The following RALYL variants were observed in gnomAD, a reference collection of about 807,000 sequenced individuals.
RALYL encodes the protein RALY RNA binding protein like, also known as RNA-binding Raly-like protein.
A neutral mutation model predicts 35.1 loss-of-function variants in RALYL; 29 were observed. The ratio of observed to expected loss-of-function variants is 0.83; its 90% CI spans 0.61 to 1.13. The LOEUF (loss-of-function observed/expected upper bound fraction) is 1.13, where lower values mean the gene tolerates loss of function less well. RALYL is among the 50% of genes most tolerant of loss of function. RALYL has a pLI of 0.00. For missense variants in RALYL, 359 were observed against 360.4 expected, an observed-to-expected ratio of 1.00 and a Z score of 0.03; for synonymous variants, 120 against 127.6, an observed-to-expected ratio of 0.94 and a Z score of 0.40.
At chr8:84,202,351 A>G (rs1013930771) in intron 1 of RALYL, among the ~76,000 whole-genome samples, 14 of 149,590 alleles carry the variant, frequency 9.4e-5, no homozygotes, top group African/African-American at 3.4e-4. Flanking sequence ...TAAGTATTAT[A>G]TGATCTATTG....
rs141580027 is a variant in RALYL at position 84,279,153 on chromosome 8, T to G, written c.-24+94729T>G. ...AGAGCATGTGCAGGGGAACTCCATT[T>G]ATAAAACCGTCAGATGTCATGAGAA... On this transcript the variant is annotated intron_variant, in intron 1 of 8. Transcript: ENST00000521268. Among the ~76,000 whole-genome samples, 3 of 152,300 alleles carry G rather than the reference T, an allele frequency of 2.0e-5. No homozygotes were observed. The East Asian group carries it at 5.8e-4, about 29-fold the overall frequency.
chr8:84,704,377 A>G (rs975603355), intron 2 of RALYL, among the ~76,000 whole-genome samples: 1 of 151,922 alleles, frequency 6.6e-6, no homozygotes, highest in Non-Finnish European at 1.5e-5. Flanking sequence ...GTGAGCCTAG[A>G]TCGCACAACT....
intron 8 of RALYL, among the ~76,000 whole-genome samples, chr8:84,890,919 TG>T (rs1285391000): frequency 6.6e-6 from 1 of 151,768 alleles, no homozygotes; most frequent in Non-Finnish European, 1.5e-5. Context: ...AACACGGTTG[TG>T]GGGGGCAGTT....
At chr8:84,310,488 A>C (rs1842562641) in intron 1 of RALYL, among the ~76,000 whole-genome samples, 1 of 152,150 alleles carries the variant, frequency 6.6e-6, no homozygotes, top group Non-Finnish European at 1.5e-5. Context: ...AACGGCAATA[A>C]ATCCGAAAAG....
intron 2 of RALYL, among the ~76,000 whole-genome samples, chr8:84,712,461 CTG>C (rs773357525): frequency 5.9e-5 from 9 of 152,136 alleles, no homozygotes; most frequent in Non-Finnish European, 1.3e-4. Flanking sequence ...CTTTCTCTCT[CTG>C]TGTCTCTCTC....
chr8:84,390,142 A>G (rs916766981), intron 1 of RALYL, among the ~76,000 whole-genome samples: 7 of 152,100 alleles, frequency 4.6e-5, no homozygotes, highest in Non-Finnish European at 7.4e-5. Context: ...GCTGGATTAC[A>G]TTTATTGATT....
chr8:84,317,771 G>C (rs901132461), intron 1 of RALYL, among the ~76,000 whole-genome samples: 1 of 152,094 alleles, frequency 6.6e-6, no homozygotes, highest in East Asian at 1.9e-4. Flanking sequence ...GAAGTGTCAT[G>C]ATCAATCTGT....
chr8:84,238,014 A>G (rs969131352), intron 1 of RALYL, among the ~76,000 whole-genome samples: 3 of 87,772 alleles, frequency 3.4e-5, no homozygotes, highest in African/African-American at 9.6e-5. Flanking sequence ...AAAACAAAAG[A>G]AAAAAAACAC....
intron 2 of RALYL, among the ~76,000 whole-genome samples, chr8:84,615,878 G>A (rs1819479813): frequency 1.1e-5 from 1 of 87,096 alleles, no homozygotes; most frequent in Non-Finnish European, 2.2e-5. Flanking sequence ...AGTTTACTGA[G>A]AATGATGATT....
intron 2 of RALYL, among the ~76,000 whole-genome samples, chr8:84,671,109 A>G (rs1422578995): frequency 6.6e-6 from 1 of 152,180 alleles, no homozygotes; most frequent in Non-Finnish European, 1.5e-5. Context: ...TATAGGCCCT[A>G]TGCAAGTCCA....
intron 2 of RALYL, among the ~76,000 whole-genome samples, chr8:84,620,591 G>C (rs937587307): frequency 6.6e-6 from 1 of 152,166 alleles, no homozygotes; most frequent in African/African-American, 2.4e-5. Context: ...TCTTCTCTCA[G>C]CTCGTCAAAG....
At chr8:84,688,136 C>T (rs917372909) in intron 2 of RALYL, among the ~76,000 whole-genome samples, 9 of 151,076 alleles carry the variant, frequency 6.0e-5, no homozygotes, top group African/African-American at 1.9e-4. Context: ...TTTTCTTTAG[C>T]TTAGGAACGC....
intron 2 of RALYL, among the ~76,000 whole-genome samples, chr8:84,570,797 C>T (rs1024708340): frequency 2.6e-5 from 4 of 151,526 alleles, no homozygotes; most frequent in Non-Finnish European, 4.4e-5. Flanking sequence ...TATCATGAAG[C>T]GATGTTAGAT....
At position 84,548,827 on chromosome 8, in the gene RALYL, A is replaced by T. The variant is rs115241253; in HGVS notation, c.256+19250A>T. On this transcript the variant is annotated intron_variant, in intron 2 of 8. Transcript: ENST00000521268. ...TTGGACCTAATTTGCTTTCTGTTCA[A>T]CTTGGAATTTATTCTATGCAATTTC... 2.9e-3 allele frequency among the ~76,000 whole-genome samples: 444 copies of T among 151,976 alleles called. 5 individuals carry two copies. The highest frequency in any genetic ancestry group is 9.7e-3 in the African/African-American group (402 of 41,446).
chr8:84,316,262 G>A (rs148816764), intron 1 of RALYL, among the ~76,000 whole-genome samples: 3 of 152,096 alleles, frequency 2.0e-5, no homozygotes, highest in African/African-American at 7.2e-5. Context: ...ATTTCCAGAC[G>A]TTCTGGATGA....
chr8:84,352,478 G>A (rs1182450742), intron 1 of RALYL, among the ~76,000 whole-genome samples: 1 of 150,322 alleles, frequency 6.7e-6, no homozygotes, highest in East Asian at 1.9e-4. Flanking sequence ...TAATATTCCT[G>A]AGAGTGTATA....
At chr8:84,216,165 G>A (rs1228159602) in intron 1 of RALYL, among the ~76,000 whole-genome samples, 1 of 151,964 alleles carries the variant, frequency 6.6e-6, no homozygotes, top group Non-Finnish European at 1.5e-5. Flanking sequence ...ATTTTGCAGG[G>A]ATTTCAGATC....
chr8:84,265,986 T>G (rs1833222322), intron 1 of RALYL, among the ~76,000 whole-genome samples: 1 of 152,206 alleles, frequency 6.6e-6, no homozygotes, highest in South Asian at 2.1e-4. Context: ...TTTAAATAAA[T>G]TTTTTAAAAC....
intron 1 of RALYL, among the ~76,000 whole-genome samples, chr8:84,212,917 T>A (rs1448294685): frequency 6.6e-6 from 1 of 152,162 alleles, no homozygotes; most frequent in Non-Finnish European, 1.5e-5. Flanking sequence ...CATAAATAAG[T>A]AATACAATAA....
Sources: gnomAD v4.1 joint callset for allele counts (sites outside exome capture counted in the v4.1 genomes callset) on GRCh38, gnomAD v4.1.1 for gene constraint, MANE v1.5 for transcripts, NCBI Gene and HGNC (gene_info 2026-07-23, HGNC 2026-07-21) for gene names.